PMS1: variants seen among roughly 807,000 people sequenced by gnomAD.
PMS1 encodes the protein PMS1 protein homolog 1.
Under a neutral mutation model 93.1 loss-of-function variants are expected in PMS1, and 79 were observed. The observed-to-expected ratio is 0.85, with a 90% confidence interval of 0.71 to 1.02. PMS1 has a LOEUF of 1.02. PMS1 is among the 50% of genes least tolerant of loss of function. PMS1 has a pLI of 0.00. For missense variants in PMS1, 1,064 were observed against 1,085.3 expected, an observed-to-expected ratio of 0.98 and a Z score of 0.28; for synonymous variants, 335 against 363.4, an observed-to-expected ratio of 0.92 and a Z score of 0.89.
Position 189,805,638 on chromosome 2 carries a change from T to A in PMS1, c.316-14T>A, listed in dbSNP as rs761206462. The A allele has an allele frequency of 6.3e-7, 1 of 1,598,386 alleles. No individual in the cohort carries two copies. Among genetic ancestry groups the A allele is most frequent in the East Asian group, 2.2e-5 (1 of 44,728 alleles). On this transcript the variant is annotated splice_polypyrimidine_tract_variant and intron_variant, in intron 3 of 12. Transcript: ENST00000441310. Reference sequence around the variant, plus strand: ...TCTAAAGTGTTAGTTTTATTAGATGTTTTTTTCCCCCAGGTTTTAATTACA... The same window carrying A: ...TCTAAAGTGTTAGTTTTATTAGATGATTTTTTCCCCCAGGTTTTAATTACA...
At chr2:189,856,286 C>T (rs980598532) in intron 9 of PMS1, among the ~76,000 whole-genome samples, 4 of 151,892 alleles carry the variant, frequency 2.6e-5, no homozygotes, top group South Asian at 2.1e-4. Context: ...CCCTATTAGT[C>T]CTGTTTCATC....
chr2:189,872,458 T>C (rs2057230354), intron 11 of PMS1, among the ~76,000 whole-genome samples: 1 of 152,166 alleles, frequency 6.6e-6, no homozygotes, highest in Non-Finnish European at 1.5e-5. Context: ...CAGGTAGCAT[T>C]ATGTAGACTT....
Position 189,805,706 on chromosome 2 carries a change from G to C in PMS1, c.370G>C (p.Asp124His), listed in dbSNP as rs746186468. 6 of 1,613,780 alleles carry C rather than the reference G, an allele frequency of 3.7e-6. No homozygotes were observed. The highest frequency in any genetic ancestry group is 5.1e-6 in the Non-Finnish European group (6 of 1,179,882). Residue 124 changes from aspartate to histidine, a missense_variant, in exon 4 of 13, where the codon GAT becomes CAT. Physicochemically the swap from Asp to His is moderately conservative, Grantham distance 81 (BLOSUM62 -1). Coordinates refer to ENST00000441310, the MANE Select transcript of PMS1 (RefSeq NM_000534.5). Reference protein sequence around the residue: ...ADNFSTQYVLDGSGHILSQKP... With the variant: ...ADNFSTQYVLHGSGHILSQKP... ...TAATTTTAGCACCCAGTATGTTTTA[G>C]ATGGCAGTGGCCACATACTTTCTCA... is the stretch of plus-strand genomic sequence containing the variant.
chr2:189,787,233 A>G (rs1187813816), intron 1 of PMS1, among the ~76,000 whole-genome samples: 1 of 152,214 alleles, frequency 6.6e-6, no homozygotes, highest in African/African-American at 2.4e-5. Flanking sequence ...GCCAATTGAA[A>G]TTATGTATAT....
At chr2:189,874,055 G>C (rs914057411) in intron 12 of PMS1, among the ~76,000 whole-genome samples, 5 of 151,424 alleles carry the variant, frequency 3.3e-5, no homozygotes, top group African/African-American at 1.2e-4. Flanking sequence ...CCAAATAGTA[G>C]AATATTATCT....
intron 4 of PMS1, chr2:189,806,011 GTATT>G: frequency 8.3e-7 from 1 of 1,205,732 alleles, no homozygotes; most frequent in Non-Finnish European, 1.1e-6. Flanking sequence ...AAAACTAAGA[GTATT>G]TATTTTACCA....
chr2:189,847,885 T>C (rs1014402461), intron 6 of PMS1, among the ~76,000 whole-genome samples: 2 of 152,196 alleles, frequency 1.3e-5, no homozygotes, highest in Non-Finnish European at 1.5e-5. Context: ...CTTTGTAGTA[T>C]TGAGTTCTTA....
At chr2:189,834,069 AG>A (rs1404646107) in intron 5 of PMS1, among the ~76,000 whole-genome samples, 1 of 152,050 alleles carries the variant, frequency 6.6e-6, no homozygotes, top group Non-Finnish European at 1.5e-5. Context: ...TACCTTACAG[AG>A]TAAGGTTTTT....
At chr2:189,816,990 GTT>G (rs1425584893) in intron 4 of PMS1, among the ~76,000 whole-genome samples, 2 of 152,096 alleles carry the variant, frequency 1.3e-5, no homozygotes, top group Non-Finnish European at 2.9e-5. Flanking sequence ...AAAGATGGTA[GTT>G]TTTAAATACT....
chr2:189,811,368 A>T (rs1008207940), intron 4 of PMS1, among the ~76,000 whole-genome samples: 15 of 151,968 alleles, frequency 9.9e-5, no homozygotes, highest in African/African-American at 2.7e-4. Context: ...TGGGCAGATC[A>T]CTTGAAGTCA....
At chr2:189,847,474 T>A (rs935446365) in intron 6 of PMS1, among the ~76,000 whole-genome samples, 16 of 151,980 alleles carry the variant, frequency 1.1e-4, no homozygotes, top group African/African-American at 2.4e-4. Context: ...GATTTTTTTT[T>A]AATTATGTTT....
intron 4 of PMS1, among the ~76,000 whole-genome samples, chr2:189,815,823 A>G (rs568013571): frequency 4.6e-5 from 7 of 152,320 alleles, no homozygotes; most frequent in Admixed American, 3.9e-4. Context: ...GCCCACCCAC[A>G]TTAGCATCTT....
chr2:189,814,106 C>A (rs2051066953), intron 4 of PMS1, among the ~76,000 whole-genome samples: 1 of 152,096 alleles, frequency 6.6e-6, no homozygotes, highest in African/African-American at 2.4e-5. Flanking sequence ...TCAGCTTTTG[C>A]TCCAAAATTT....
intron 12 of PMS1, among the ~76,000 whole-genome samples, chr2:189,875,039 AAG>A (rs1559339851): frequency 1.3e-5 from 2 of 152,092 alleles, no homozygotes; most frequent in African/African-American, 2.4e-5. Context: ...AGGAAAAAAA[AAG>A]AGAGAACTTA....
intron 3 of PMS1, among the ~76,000 whole-genome samples, chr2:189,801,146 C>T (rs1310339271): frequency 1.3e-5 from 2 of 152,220 alleles, no homozygotes; most frequent in East Asian, 1.9e-4. Context: ...GCAGGAGCCA[C>T]TGTGCCCTGC....
chr2:189,848,937 G>A (rs1300852693), intron 6 of PMS1, among the ~76,000 whole-genome samples: 1 of 152,144 alleles, frequency 6.6e-6, no homozygotes. Flanking sequence ...CTGGTTAGTG[G>A]TTGTCCTCAC....
chr2:189,873,639 G>A lies in PMS1; in HGVS notation c.2617G>A (p.Val873Met). 1.2e-6 allele frequency: 2 copies of A among 1,605,542 alleles called. No individual in the cohort carries two copies. The highest frequency in any genetic ancestry group is 8.5e-7 in the Non-Finnish European group (1 of 1,172,526). The change falls in exon 12 of 13, where the codon GTG becomes ATG. Residue 873 changes from valine (V) to methionine (M), a missense_variant. Val to Met is a conservative substitution (Grantham distance 21, BLOSUM62 1). Coordinates refer to ENST00000441310, the MANE Select transcript of PMS1 (RefSeq NM_000534.5). ...AGTTTATGAATGTAGACCTCGCAAA[G>A]TGATAAGTTATTTAGAGGTACGCAT... Reference protein sequence around the residue: ...KEVYECRPRKVISYLEGEAVR... With the variant: ...KEVYECRPRKMISYLEGEAVR...
At chr2:189,852,541 G>A in intron 6 of PMS1, 114 bp from the exon 7 acceptor site, 1 of 878,974 alleles carries the variant, frequency 1.1e-6, no homozygotes, top group South Asian at 1.5e-5. Flanking sequence ...TGGCTTTTTA[G>A]ACCTTAAGAT....
intron 3 of PMS1, among the ~76,000 whole-genome samples, chr2:189,802,711 TATAA>T (rs1290348628): frequency 2.6e-5 from 4 of 152,228 alleles, no homozygotes; most frequent in African/African-American, 7.2e-5. Context: ...GCCCACATAC[TATAA>T]AAGGGTCAGG....
Sources: allele counts gnomAD v4.1 joint callset (sites outside exome capture counted in the v4.1 genomes callset), GRCh38; gene constraint gnomAD v4.1.1; transcripts MANE v1.5; gene names NCBI Gene and HGNC (gene_info 2026-07-23, HGNC 2026-07-21).